The following LINGO2 variants were observed in gnomAD, a reference collection of about 807,000 sequenced individuals.
The protein encoded by LINGO2 is leucine-rich repeat and immunoglobulin-like domain-containing nogo receptor-interacting protein 2.
Under a neutral mutation model 30.6 loss-of-function variants are expected in LINGO2, and 14 were observed. The observed-to-expected ratio is 0.46, with a 90% confidence interval of 0.30 to 0.72. LINGO2 has a LOEUF of 0.72. Among genes scored for constraint, LINGO2 ranks in the 30% least tolerant of loss-of-function variants. LINGO2 has a pLI of 0.07. For synonymous variants in LINGO2, 317 were observed against 288.5 expected, an observed-to-expected ratio of 1.10 and a Z score of -1.00; for missense variants, 729 against 751.7, an observed-to-expected ratio of 0.97 and a Z score of 0.35.
intron 1 of LINGO2, among the ~76,000 whole-genome samples, chr9:28,647,892 T>TC (rs1827910819): frequency 7.1e-6 from 1 of 140,590 alleles, no homozygotes; most frequent in Non-Finnish European, 1.5e-5. Context: ...TTTCTTTCTT[T>TC]CTTTTTTTTT....
At chr9:28,861,126 AATTATATAAATTTTTATATAATTTAT>A in the LINGO2 span, among the ~76,000 whole-genome samples, 316 of 118,156 alleles carry the variant, frequency 2.7e-3, no homozygotes, top group Non-Finnish European at 3.4e-3. Flanking sequence ...ATATAATATA[AATTATATAAATTTTTATATAATTTAT>A]ATTATATAAA....
At chr9:28,295,141 AT>A (rs1172850607) in intron 4 of LINGO2, 66 bp downstream of exon 6, 2 of 152,388 alleles carry the variant, frequency 1.3e-5, no homozygotes, top group Admixed American at 6.5e-5. Context: ...TTATTCATAT[AT>A]TTTGGCAGCA....
chr9:28,566,520 AT>A (rs749266180), intron 1 of LINGO2, among the ~76,000 whole-genome samples: 2 of 152,140 alleles, frequency 1.3e-5, no homozygotes, highest in Non-Finnish European at 2.9e-5. Flanking sequence ...TGTCACGTAC[AT>A]TTGTGTGCAG....
At chr9:28,055,330 C>T (rs1415660087) in intron 4 of LINGO2, among the ~76,000 whole-genome samples, 1 of 152,024 alleles carries the variant, frequency 6.6e-6, no homozygotes, top group Non-Finnish European at 1.5e-5. Flanking sequence ...AGAACAGGTA[C>T]AGGTGGATGG....
the LINGO2 span, among the ~76,000 whole-genome samples, chr9:28,787,246 C>A: frequency 6.6e-6 from 1 of 152,058 alleles, no homozygotes; most frequent in African/African-American, 2.4e-5. Context: ...AACAATAATA[C>A]AGTATATAAG....
intron 1 of LINGO2, among the ~76,000 whole-genome samples, chr9:28,634,485 C>A (rs112331169): frequency 2.4e-5 from 3 of 124,672 alleles, no homozygotes; most frequent in African/African-American, 9.3e-5. Flanking sequence ...TTCTTTTTTT[C>A]TTTTTTTTTT....
chr9:28,024,842 C>G (rs1402521917), intron 4 of LINGO2, among the ~76,000 whole-genome samples: 5 of 152,138 alleles, frequency 3.3e-5, no homozygotes, highest in Admixed American at 6.5e-5. Context: ...ATCTGAGCAG[C>G]ATTTGAGCAG....
intron 2 of LINGO2, among the ~76,000 whole-genome samples, chr9:28,412,792 C>T (rs993900224): frequency 6.6e-6 from 1 of 151,900 alleles, no homozygotes; most frequent in African/African-American, 2.4e-5. Context: ...TTTTAACTCA[C>T]CTTAAATGAT....
chr9:28,911,379 T>C, the LINGO2 span, among the ~76,000 whole-genome samples: 65 of 152,132 alleles, frequency 4.3e-4, no homozygotes, highest in Middle Eastern at 0.014. Flanking sequence ...TTGACATTCC[T>C]TGATATATGT....
At chr9:28,187,963 T>C (rs1169992130) in intron 4 of LINGO2, among the ~76,000 whole-genome samples, 1 of 152,210 alleles carries the variant, frequency 6.6e-6, no homozygotes, top group Non-Finnish European at 1.5e-5. Context: ...CTTTCTCCCT[T>C]GTTCTCGTCA....
intron 5 of LINGO2, among the ~76,000 whole-genome samples, chr9:27,977,944 G>T (rs775157037): frequency 2.0e-5 from 3 of 152,004 alleles, no homozygotes; most frequent in Non-Finnish European, 4.4e-5. Context: ...CCCAGATTCT[G>T]GCTCTGCAAA....
chr9:29,153,112 A>G, the LINGO2 span, among the ~76,000 whole-genome samples: 1 of 152,278 alleles, frequency 6.6e-6, no homozygotes, highest in South Asian at 2.1e-4. Flanking sequence ...TTATAGCACT[A>G]TGGAAAGTAC....
At chr9:27,952,351 T>C (rs771187925) in intron 5 of LINGO2, among the ~76,000 whole-genome samples, 14 of 151,940 alleles carry the variant, frequency 9.2e-5, no homozygotes, top group Non-Finnish European at 2.1e-4. Flanking sequence ...AAAAGAGAGA[T>C]GTACTATGTA....
At chr9:28,781,167 C>T in the LINGO2 span, among the ~76,000 whole-genome samples, 4 of 151,820 alleles carry the variant, frequency 2.6e-5, no homozygotes, top group South Asian at 2.1e-4. Context: ...GAGTTAGAAA[C>T]GAAGCTGAGA....
chr9:28,017,730 CA>C (rs1213709684), intron 4 of LINGO2, among the ~76,000 whole-genome samples: 5 of 152,108 alleles, frequency 3.3e-5, no homozygotes, highest in African/African-American at 1.2e-4. Flanking sequence ...AATTGGAAAA[CA>C]TTCCATGCTC....
the LINGO2 span, among the ~76,000 whole-genome samples, chr9:28,772,385 A>C: frequency 1.3e-5 from 2 of 152,126 alleles, no homozygotes; most frequent in Admixed American, 1.3e-4. Flanking sequence ...TCCTTTTTGA[A>C]ATTCAGCCTT....
intron 1 of LINGO2, among the ~76,000 whole-genome samples, chr9:28,538,763 T>C (rs1821544707): frequency 6.6e-6 from 1 of 152,104 alleles, no homozygotes; most frequent in African/African-American, 2.4e-5. Flanking sequence ...CATTCGTGAA[T>C]GTGGAGTCCT....
intron 4 of LINGO2, among the ~76,000 whole-genome samples, chr9:28,146,523 A>G (rs1335459144): frequency 1.3e-5 from 2 of 151,936 alleles, no homozygotes; most frequent in Admixed American, 1.3e-4. Flanking sequence ...ATTTTTTAGA[A>G]AAACATAAAC....
chr9:28,759,687 G>GAA, the LINGO2 span, among the ~76,000 whole-genome samples: 1 of 127,626 alleles, frequency 7.8e-6, no homozygotes, highest in African/African-American at 2.8e-5. Context: ...GTCTCAAAAA[G>GAA]AAAAAAAAAA....
Sources: gnomAD v4.1 joint callset for allele counts (sites outside exome capture counted in the v4.1 genomes callset) on GRCh38, gnomAD v4.1.1 for gene constraint, MANE v1.5 for transcripts, NCBI Gene and HGNC (gene_info 2026-07-23, HGNC 2026-07-21) for gene names.